The following DLC1 variants were observed in gnomAD, a reference collection of about 807,000 sequenced individuals.
DLC1 encodes rho GTPase-activating protein 7.
DLC1 carries 54 observed loss-of-function variants against 140.3 expected under a neutral mutation model. The ratio of observed to expected loss-of-function variants is 0.38; its 90% confidence interval spans 0.31 to 0.48. The LOEUF (loss-of-function observed/expected upper bound fraction) is 0.48. Among genes scored for constraint, DLC1 ranks in the 20% least tolerant of loss-of-function variants. The pLI, the probability that DLC1 is intolerant of heterozygous loss-of-function variation, is 0.96. For synonymous variants in DLC1, 986 were observed against 728.1 expected, an observed-to-expected ratio of 1.35 and a Z score of -5.70; for missense variants, 2,536 against 1,907.0, an observed-to-expected ratio of 1.33 and a Z score of -6.14.
intron 5 of DLC1, among the ~76,000 whole-genome samples, chr8:13,179,040 G>C (rs1825900323): frequency 1.3e-5 from 2 of 152,082 alleles, no homozygotes; most frequent in South Asian, 4.2e-4. Context: ...ATCAACAATA[G>C]AACAGATAAA....
intron 6 of DLC1, among the ~76,000 whole-genome samples, chr8:13,111,761 G>T (rs1423688225): frequency 1.3e-5 from 2 of 152,140 alleles, no homozygotes. Context: ...ATACCAGGAA[G>T]AGGAGTGTCT....
intron 1 of DLC1, among the ~76,000 whole-genome samples, chr8:13,595,019 A>AG (rs1280554239): frequency 6.6e-6 from 1 of 151,818 alleles, no homozygotes; most frequent in African/African-American, 2.4e-5. Flanking sequence ...AATTGTTGTG[A>AG]GAAAAAAAAA....
intron 5 of DLC1, among the ~76,000 whole-genome samples, chr8:13,255,400 A>T (rs1026701864): frequency 2.0e-5 from 3 of 152,100 alleles, no homozygotes; most frequent in African/African-American, 7.2e-5. Context: ...TATAAAAGGA[A>T]CTCCATAAAT....
At position 13,494,898 on chromosome 8, in the gene DLC1, C is replaced by A. The variant is rs534269215; in HGVS notation, c.1023+4151G>T. Among the ~76,000 whole-genome samples, 15 of 152,170 alleles carry A rather than the reference C, an allele frequency of 9.9e-5. No homozygotes were observed. In the South Asian group the frequency reaches 3.1e-3, roughly 32 times the overall value. On this transcript the variant is annotated intron_variant, in intron 2 of 17. Transcript: ENST00000276297. ...CCCAGGAGGCGGAAGTTGCAATGGGCGGAGATCACACCCCTGCACTCCAGC... is the reference window on the plus strand; with the variant it reads ...CCCAGGAGGCGGAAGTTGCAATGGGAGGAGATCACACCCCTGCACTCCAGC...
chr8:13,577,303 T>A (rs374177970), intron 1 of DLC1, among the ~76,000 whole-genome samples: 1 of 152,222 alleles, frequency 6.6e-6, no homozygotes, highest in Non-Finnish European at 1.5e-5. Flanking sequence ...AAGCCTATTT[T>A]ACATGACAAG....
chr8:13,171,366 A>T (rs764427281), intron 5 of DLC1, among the ~76,000 whole-genome samples: 9 of 152,170 alleles, frequency 5.9e-5, no homozygotes, highest in South Asian at 2.1e-4. Context: ...ACTCACTGAG[A>T]TTCTGTAGGT....
intron 15 of DLC1, among the ~76,000 whole-genome samples, chr8:13,089,699 C>T (rs1389815766): frequency 1.3e-5 from 2 of 152,306 alleles, no homozygotes; most frequent in Non-Finnish European, 2.9e-5. Flanking sequence ...GCCACCCAGC[C>T]TACTCCCACT....
chr8:13,415,558 C>G (rs533109476), intron 2 of DLC1, among the ~76,000 whole-genome samples: 14 of 151,962 alleles, frequency 9.2e-5, no homozygotes, highest in Non-Finnish European at 1.6e-4. Context: ...CGCCACCACA[C>G]CCGGCTAGTT....
chr8:13,444,315 GGGAGGGATAGCATT>G (rs1344079035), intron 2 of DLC1, among the ~76,000 whole-genome samples: 3 of 152,094 alleles, frequency 2.0e-5, no homozygotes, highest in African/African-American at 7.2e-5. Context: ...TGCGGGTTGG[GGGAGGGATAGCATT>G]AGGAGAAATA....
intron 2 of DLC1, among the ~76,000 whole-genome samples, chr8:13,408,208 G>T (rs1837646194): frequency 6.6e-6 from 1 of 152,008 alleles, no homozygotes; most frequent in Admixed American, 6.6e-5. Context: ...CAAGTTCTAG[G>T]CATATTATCT....
intron 1 of DLC1, among the ~76,000 whole-genome samples, chr8:13,587,005 C>G (rs1805342595): frequency 1.3e-5 from 2 of 151,306 alleles, no homozygotes; most frequent in African/African-American, 4.9e-5. Context: ...CAATACATGT[C>G]TAGTAGAGAG....
chr8:13,130,693 A>G (rs1822004473), intron 5 of DLC1, among the ~76,000 whole-genome samples: 1 of 152,242 alleles, frequency 6.6e-6, no homozygotes. Context: ...GAAATCTGCA[A>G]TTGGGAAGTT....
chr8:13,589,515 C>A (rs907353444), intron 1 of DLC1, among the ~76,000 whole-genome samples: 1 of 152,016 alleles, frequency 6.6e-6, no homozygotes, highest in African/African-American at 2.4e-5. Flanking sequence ...CATTTTGCAA[C>A]GCAGAATCCA....
chr8:13,565,629 A>G (rs1158572420), intron 1 of DLC1, among the ~76,000 whole-genome samples: 1 of 152,152 alleles, frequency 6.6e-6, no homozygotes, highest in African/African-American at 2.4e-5. Context: ...TTTTGCCAGA[A>G]TGAACATTTG....
chr8:13,199,419 C>T (rs117008091), intron 5 of DLC1, among the ~76,000 whole-genome samples: 7,649 of 151,978 alleles, frequency 0.05, 289 homozygotes, highest in Non-Finnish European at 0.081. Context: ...CCAGGCCTCA[C>T]GCAATCCTCC....
intron 5 of DLC1, among the ~76,000 whole-genome samples, chr8:13,273,640 A>G (rs1054707687): frequency 6.1e-5 from 9 of 146,634 alleles, no homozygotes; most frequent in African/African-American, 2.3e-4. Flanking sequence ...GGAGATGTAA[A>G]TGATGCTTTT....
intron 5 of DLC1, among the ~76,000 whole-genome samples, chr8:13,136,772 T>C (rs1295445660): frequency 1.3e-5 from 2 of 152,202 alleles, no homozygotes; most frequent in Non-Finnish European, 2.9e-5. Context: ...TGGGCTCAAG[T>C]AGTCCGCCAG....
chr8:13,500,452 T>G (rs1801762513), intron 1 of DLC1, among the ~76,000 whole-genome samples: 1 of 152,192 alleles, frequency 6.6e-6, no homozygotes, highest in Non-Finnish European at 1.5e-5. Context: ...CATTAATGAA[T>G]AAAGATACAA....
chr8:13,487,606 C>T (rs1048062144), intron 2 of DLC1, among the ~76,000 whole-genome samples: 1 of 151,036 alleles, frequency 6.6e-6, no homozygotes, highest in African/African-American at 2.4e-5. Context: ...CGGAGTCTCA[C>T]TCTGTTGCCC....
Sources: gnomAD v4.1 joint callset for allele counts (sites outside exome capture counted in the v4.1 genomes callset) on GRCh38, gnomAD v4.1.1 for gene constraint, MANE v1.5 for transcripts, NCBI Gene and HGNC (gene_info 2026-07-23, HGNC 2026-07-21) for gene names.